ZNF782: variants seen among roughly 807,000 people sequenced by gnomAD.
ZNF782 encodes the protein zinc finger protein 782.
ZNF782 carries 12 observed loss-of-function variants against 13.0 expected under a neutral mutation model. That is an observed-to-expected ratio of 0.92 (90% CI 0.59 to 1.50). The LOEUF (loss-of-function observed/expected upper bound fraction) is 1.50. Ranked by LOEUF, ZNF782 falls within the 40% of genes most tolerant of loss-of-function variation. The probability of loss-of-function intolerance (pLI) is 0.00; values close to 1 mark genes in which losing one functional copy is unlikely to be tolerated. For missense variants in ZNF782, 770 were observed against 822.9 expected (o/e 0.94, Z 0.79); for synonymous variants, 284 against 283.0 (o/e 1.00, Z -0.04).
At chr9:96,824,178 C>G (rs2118393217) in intron 5 of ZNF782, among the ~76,000 whole-genome samples, 1 of 150,394 alleles carries the variant, frequency 6.6e-6, no homozygotes, top group East Asian at 2.0e-4. Context: ...AAACCGAATC[C>G]AGCAGCACAT....
At chr9:96,828,344 C>T (rs189432876) in intron 4 of ZNF782, among the ~76,000 whole-genome samples, 6 of 152,276 alleles carry the variant, frequency 3.9e-5, no homozygotes, top group Non-Finnish European at 5.9e-5. Flanking sequence ...TTGAAATGAT[C>T]GAACTAATTC....
chr9:96,905,673 C>T, the ZNF782 span, among the ~76,000 whole-genome samples: 2 of 152,056 alleles, frequency 1.3e-5, no homozygotes, highest in Admixed American at 6.6e-5. Context: ...GCAACCTCTG[C>T]CTCCTGGGTT....
chr9:96,839,180 T>C (rs1403176523), intron 4 of ZNF782, among the ~76,000 whole-genome samples: 1 of 151,798 alleles, frequency 6.6e-6, no homozygotes, highest in Admixed American at 6.6e-5. Flanking sequence ...TTTTCCATAG[T>C]GTTTAGCTAG....
intron 1 of ZNF782, among the ~76,000 whole-genome samples, chr9:96,871,349 A>G (rs756368570): frequency 1.5e-4 from 23 of 152,002 alleles, no homozygotes; most frequent in Non-Finnish European, 2.8e-4. Context: ...ATGATTATTC[A>G]GAGGCACAGT....
chr9:96,844,641 A>G (rs550067143), intron 4 of ZNF782, among the ~76,000 whole-genome samples: 1 of 152,264 alleles, frequency 6.6e-6, no homozygotes, highest in South Asian at 2.1e-4. Flanking sequence ...GGGGGTGATA[A>G]AAATATTCCA....
intron 4 of ZNF782, among the ~76,000 whole-genome samples, chr9:96,840,029 A>G (rs1425862783): frequency 4.6e-5 from 7 of 152,162 alleles, no homozygotes; most frequent in African/African-American, 1.7e-4. Context: ...TGAGTACTGT[A>G]TATGTTGCTG....
chr9:96,817,763 A>G lies in ZNF782; in HGVS notation c.*160T>C. ...AGAATGCCCATATAAAATAGATTTC[A>G]ACAATTTATCTTCTATTCTTTGATA... On this transcript the variant is annotated 3_prime_UTR_variant, in exon 6 of 6. Transcript: ENST00000481138. The G allele has an allele frequency of 1.6e-6, 1 of 629,064 alleles. No homozygotes were observed. The allele number at this position is 629,064 out of a possible 1,614,324, so 39.0% of individuals were successfully genotyped here. A position where few individuals can be genotyped will look rare whatever the true frequency, so the allele number is the denominator to read the frequency against.
chr9:96,862,668 T>C (rs1427085216), intron 1 of ZNF782, among the ~76,000 whole-genome samples: 1 of 152,222 alleles, frequency 6.6e-6, no homozygotes, highest in African/African-American at 2.4e-5. Context: ...TGAGTTGTCA[T>C]GGTGATATTG....
chr9:96,817,048 G>C lies in ZNF782; in HGVS notation c.*875C>G, dbSNP rs2118209985. The stretch of plus-strand genomic sequence containing the variant: ...CTGCAAGAAGTCCAACTGTGTACAG[G>C]GAGGAGAAAACTCCATGCCACAGGA... On this transcript the variant is annotated 3_prime_UTR_variant, in exon 6 of 6. Transcript: ENST00000481138. 1 of 152,086 alleles carries C rather than the reference G, an allele frequency of 6.6e-6. No homozygotes were observed. Among genetic ancestry groups the C allele is most frequent in the Non-Finnish European group, 1.5e-5 (1 of 67,962 alleles). 9.4% of individuals were successfully genotyped at this position (152,086 alleles called of 1,614,324 possible).
chr9:96,930,872 GTTT>G, the ZNF782 span, among the ~76,000 whole-genome samples: 567 of 72,492 alleles, frequency 7.8e-3, 1 homozygote, highest in Non-Finnish European at 0.01. Flanking sequence ...CCATCCAGTG[GTTT>G]TTTTTTTTTT....
chr9:96,902,608 T>C, the ZNF782 span, among the ~76,000 whole-genome samples: 1 of 135,374 alleles, frequency 7.4e-6, no homozygotes, highest in Non-Finnish European at 1.5e-5. Flanking sequence ...AACAATGTCA[T>C]TCTTCTCACT....
At chr9:96,933,735 G>C in the ZNF782 span, 1 of 152,478 alleles carries the variant, frequency 6.6e-6, no homozygotes, top group Admixed American at 6.5e-5. Flanking sequence ...AATGGCCAGG[G>C]GCACATCACA....
intron 4 of ZNF782, among the ~76,000 whole-genome samples, chr9:96,834,521 G>GT (rs1337597211): frequency 6.8e-6 from 1 of 147,282 alleles, no homozygotes; most frequent in African/African-American, 2.7e-5. Context: ...TCCTGTGACA[G>GT]TGAGTTATTT....
At chr9:96,855,949 C>T (rs1443365496), upstream of ZNF782, among the ~76,000 whole-genome samples, 1 of 152,114 alleles carries the variant, frequency 6.6e-6, no homozygotes, top group African/African-American at 2.4e-5. Context: ...TATGGCCATT[C>T]TTGCAGGAGT....
chr9:96,884,775 G>A, the ZNF782 span, among the ~76,000 whole-genome samples: 3 of 152,178 alleles, frequency 2.0e-5, no homozygotes, highest in Admixed American at 1.3e-4. Flanking sequence ...CTATTAGGAA[G>A]CTGAACAAAC....
At chr9:96,928,526 G>A in the ZNF782 span, 1 of 189,488 alleles carries the variant, frequency 5.3e-6, no homozygotes, top group African/African-American at 3.7e-5. Context: ...AACGTGTTCT[G>A]AATTTTGTTA....
intron 5 of ZNF782, among the ~76,000 whole-genome samples, chr9:96,826,154 G>A (rs1016045257): frequency 1.3e-5 from 2 of 152,118 alleles, no homozygotes; most frequent in African/African-American, 2.4e-5. Context: ...CAACCCAAAT[G>A]TCCAACAATG....
the ZNF782 span, among the ~76,000 whole-genome samples, chr9:96,914,416 G>A: frequency 1.1e-4 from 16 of 151,898 alleles, no homozygotes; most frequent in Admixed American, 9.8e-4. Context: ...CACCGCGCCC[G>A]GCCCACTTAT....
intron 4 of ZNF782, among the ~76,000 whole-genome samples, chr9:96,844,376 C>T (rs974032734): frequency 1.3e-5 from 2 of 152,120 alleles, no homozygotes; most frequent in Non-Finnish European, 2.9e-5. Flanking sequence ...TAATAAATTG[C>T]AGTATATACC....
Sources: gnomAD v4.1 joint callset for allele counts (sites outside exome capture counted in the v4.1 genomes callset) on GRCh38, gnomAD v4.1.1 for gene constraint, MANE v1.5 for transcripts, NCBI Gene and HGNC (gene_info 2026-07-23, HGNC 2026-07-21) for gene names.